Variants in ZDHHC23 observed in about 807,000 individuals in gnomAD.
ZDHHC23 encodes palmitoyltransferase ZDHHC23.
In ZDHHC23, 41 loss-of-function variants were observed where a neutral mutation model predicts 40.2. The ratio of observed to expected loss-of-function variants is 1.02; its 90% CI spans 0.79 to 1.32. ZDHHC23 has a LOEUF of 1.32. Among genes scored for constraint, ZDHHC23 ranks in the 40% most tolerant of loss-of-function variants. The pLI is 0.00. For synonymous variants in ZDHHC23, 204 were observed against 210.2 expected, an observed-to-expected ratio of 0.97 and a Z score of 0.26; for missense variants, 471 against 541.5, an observed-to-expected ratio of 0.87 and a Z score of 1.29.
In ZDHHC23 at chr3:113,954,177, G is replaced by C. The variant is rs373168883; in HGVS notation, c.639G>C (p.Leu213=). The change falls in exon 3 of 5, where the codon CTG becomes CTC. Residue 213 remains leucine, a synonymous_variant. Transcript: ENST00000638807. ...TAAGCAGCAGCCAGCTGGAGTGCCTGAGCAGAAAAGGGCAGGAGAAGACCA... is the reference window on the plus strand; with the variant it reads ...TAAGCAGCAGCCAGCTGGAGTGCCTCAGCAGAAAAGGGCAGGAGAAGACCA... The part of the protein sequence containing the change: ...RSLSSSQLEC[L]SRKGQEKTKG... 6.2e-7 allele frequency: 1 copy of C among 1,614,218 alleles called. No homozygotes were observed. The highest frequency in any genetic ancestry group is 1.1e-5 in the South Asian group (1 of 91,082).
Position 113,960,546 on chromosome 3 carries a change from C to G in ZDHHC23, c.*1916C>G. ...GTAGAGCCAACTCTGATTATCTAGC[C>G]ATTGATCATACAAATTGATAGAAAC... On this transcript the variant is annotated 3_prime_UTR_variant, in exon 5 of 5. Transcript: ENST00000638807. 1 of 1,440,914 alleles carries G rather than the reference C, an allele frequency of 6.9e-7. No individual in the cohort carries two copies. 89.3% of individuals were successfully genotyped at this position (1,440,914 alleles called of 1,614,324 possible). A position where few individuals can be genotyped will look rare whatever the true frequency, so the allele number is the denominator to read the frequency against.
At chr3:113,965,409 T>A, downstream of ZDHHC23, 2 of 1,135,716 alleles carry the variant, frequency 1.8e-6, no homozygotes, top group Non-Finnish European at 2.5e-6. Context: ...AAAGTTGGCT[T>A]TCCATCTATA....
In ZDHHC23 at chr3:113,948,190, G is replaced by A. The variant is rs1265336563; in HGVS notation, c.-118G>A. On this transcript the variant is annotated splice_region_variant and 5_prime_UTR_variant, in exon 1 of 5. Coordinates refer to ENST00000638807, the MANE Select transcript of ZDHHC23 (RefSeq NM_001320466.2). Reference sequence around the variant, plus strand: ...CAGTTGCACCTCCGGCCAGAGGGCAGGTAACTTCCCTTCCAAGGTCATTCT... The same window carrying A: ...CAGTTGCACCTCCGGCCAGAGGGCAAGTAACTTCCCTTCCAAGGTCATTCT... 6.6e-6 allele frequency: 1 copy of A among 152,532 alleles called. No individual in the cohort carries two copies. The highest frequency in any genetic ancestry group is 2.4e-5 in the African/African-American group (1 of 41,446). 9.4% of individuals were successfully genotyped at this position (152,532 alleles called of 1,614,324 possible). A position where few individuals can be genotyped will look rare whatever the true frequency, so the allele number is the denominator to read the frequency against.
the ZDHHC23 span, among the ~76,000 whole-genome samples, chr3:113,971,071 G>T: frequency 1.1e-4 from 16 of 152,164 alleles, no homozygotes; most frequent in African/African-American, 3.4e-4. Context: ...AATCCTTTGG[G>T]TATATACCCA....
intron 2 of ZDHHC23, among the ~76,000 whole-genome samples, chr3:113,951,930 G>C (rs1054351714): frequency 3.3e-5 from 5 of 152,138 alleles, no homozygotes; most frequent in Non-Finnish European, 7.3e-5. Context: ...CTGAGGTCAG[G>C]AGTTCAAGAC....
rs1323752710 is a variant in ZDHHC23 at position 113,961,018 on chromosome 3, G to A, written c.*2388G>A. On this transcript the variant is annotated 3_prime_UTR_variant, in exon 5 of 5. Coordinates refer to ENST00000638807, the MANE Select transcript of ZDHHC23 (RefSeq NM_001320466.2). ...AGCCTTTTATGATCTGGAACTATTT[G>A]AGGGGTTTCATTATAGGCCTTGGTT... The A allele has an allele frequency of 2.6e-6, 1 of 379,018 alleles. No individual in the cohort carries two copies. Among genetic ancestry groups the A allele is most frequent in the African/African-American group, 2.1e-5 (1 of 47,540 alleles). 23.5% of individuals were successfully genotyped at this position (379,018 alleles called of 1,614,324 possible).
chr3:113,975,176 C>G, the ZDHHC23 span, among the ~76,000 whole-genome samples: 3 of 152,090 alleles, frequency 2.0e-5, no homozygotes, highest in African/African-American at 7.2e-5. Context: ...AAGACAATAT[C>G]AGACATATTA....
Position 113,958,998 on chromosome 3 carries a change from A to T in ZDHHC23, c.*368A>T. 1 of 1,150,902 alleles carries T rather than the reference A, an allele frequency of 8.7e-7. No individual in the cohort carries two copies. Among genetic ancestry groups the T allele is most frequent in the Non-Finnish European group, 1.1e-6 (1 of 908,518 alleles). The allele number at this position is 1,150,902 out of a possible 1,614,324, so 71.3% of individuals were successfully genotyped here. On this transcript the variant is annotated 3_prime_UTR_variant, in exon 5 of 5. Transcript: ENST00000638807. ...GTCCCTCTTTCGATTCTTAATAGCC[A>T]TGTGACCCCTAGCTGAGTCACTTTC... is the stretch of plus-strand genomic sequence containing the variant.
At chr3:113,952,424 A>G (rs889365179) in intron 2 of ZDHHC23, among the ~76,000 whole-genome samples, 1 of 152,100 alleles carries the variant, frequency 6.6e-6, no homozygotes, top group African/African-American at 2.4e-5. Flanking sequence ...CCTTCTGTTC[A>G]TTACCTCTTA....
At chr3:113,949,828 C>T (rs1339435817) in intron 2 of ZDHHC23, among the ~76,000 whole-genome samples, 1 of 152,314 alleles carries the variant, frequency 6.6e-6, no homozygotes, top group East Asian at 1.9e-4. Flanking sequence ...GGTCTGCAGT[C>T]TAGTACCAGC....
Position 113,960,658 on chromosome 3 carries a change from C to T in ZDHHC23, c.*2028C>T. On this transcript the variant is annotated 3_prime_UTR_variant, in exon 5 of 5. Transcript: ENST00000638807. Reference sequence around the variant, plus strand: ...GATGAAGATAAGTAGTACAAAGAGACCAAAATAATTTGGGAGAATTAGGAA... The same window carrying T: ...GATGAAGATAAGTAGTACAAAGAGATCAAAATAATTTGGGAGAATTAGGAA... 1.2e-6 allele frequency: 2 copies of T among 1,605,588 alleles called. No homozygotes were observed. The highest frequency in any genetic ancestry group is 1.7e-6 in the Non-Finnish European group (2 of 1,177,076).
rs760232295 is a variant in ZDHHC23, at chr3:113,960,713, C to CT, written c.*2084dup. ...GACAATTTTTTTTAACAACTTACCT[C>CT]TAATAGGGTTACTTGGATGAGCCAA... On this transcript the variant is annotated 3_prime_UTR_variant, in exon 5 of 5. Coordinates refer to ENST00000638807, the MANE Select transcript of ZDHHC23 (RefSeq NM_001320466.2). 27 of 1,598,154 alleles carry CT rather than the reference C, an allele frequency of 1.7e-5. No individual in the cohort carries two copies. The highest frequency in any genetic ancestry group is 3.3e-4 in the Middle Eastern group (2 of 6,010).
intron 4 of ZDHHC23, among the ~76,000 whole-genome samples, chr3:113,957,297 T>G (rs890263906): frequency 1.3e-5 from 2 of 152,272 alleles, no homozygotes; most frequent in African/African-American, 4.8e-5. Flanking sequence ...ATCCTTGCTT[T>G]CTTTACAAAG....
Position 113,948,783 on chromosome 3 carries a change from C to T in ZDHHC23, c.-20C>T, listed in dbSNP as rs1559837982. ...TACCTTCTGAGGGCTTCTTACGCCT[C>T]ATGGTGACAGGTGCAAATCATGACA... On this transcript the variant is annotated 5_prime_UTR_variant, in exon 2 of 5. Transcript: ENST00000638807. The T allele has an allele frequency of 6.2e-7, 1 of 1,613,916 alleles. No individual in the cohort carries two copies. Among genetic ancestry groups the T allele is most frequent in the Non-Finnish European group, 8.5e-7 (1 of 1,179,962 alleles).
chr3:113,972,443 G>A, the ZDHHC23 span, among the ~76,000 whole-genome samples: 1 of 152,082 alleles, frequency 6.6e-6, no homozygotes, highest in East Asian at 1.9e-4. Flanking sequence ...ATAGATACTT[G>A]ATACAATTTC....
chr3:113,978,994 T>TAATA, the ZDHHC23 span: 3 of 1,613,536 alleles, frequency 1.9e-6, no homozygotes, highest in East Asian at 6.7e-5. Context: ...GAACAAAGAG[T>TAATA]AATGTTCTTC....
At chr3:113,964,671 CA>C (rs1327165678), downstream of ZDHHC23, 3 of 152,270 alleles carry the variant, frequency 2.0e-5, no homozygotes, top group African/African-American at 7.2e-5. Context: ...GGTCTGCCTT[CA>C]GGGGTGGTGA....
Position 113,960,557 on chromosome 3 carries a change from C to T in ZDHHC23, c.*1927C>T, listed in dbSNP as rs1939610035. On this transcript the variant is annotated 3_prime_UTR_variant, in exon 5 of 5. Coordinates refer to ENST00000638807, the MANE Select transcript of ZDHHC23 (RefSeq NM_001320466.2). ...TCTGATTATCTAGCCATTGATCATA[C>T]AAATTGATAGAAACATTAGTCAGTA... is the stretch of plus-strand genomic sequence containing the variant. 2 of 1,456,292 alleles carry T rather than the reference C, an allele frequency of 1.4e-6. No homozygotes were observed. Among genetic ancestry groups the T allele is most frequent in the African/African-American group, 1.5e-5 (1 of 67,696 alleles). The allele number at this position is 1,456,292 out of a possible 1,614,324, so 90.2% of individuals were successfully genotyped here.
chr3:113,965,899 A>G (rs1940105838), downstream of ZDHHC23, among the ~76,000 whole-genome samples: 1 of 152,066 alleles, frequency 6.6e-6, no homozygotes, highest in South Asian at 2.1e-4. Flanking sequence ...CTGGCCAGTT[A>G]TTTTTATTTT....
Sources: allele counts gnomAD v4.1 joint callset (sites outside exome capture counted in the v4.1 genomes callset), GRCh38; gene constraint gnomAD v4.1.1; transcripts MANE v1.5; gene names NCBI Gene and HGNC (gene_info 2026-07-23, HGNC 2026-07-21).